FBXO6: variants seen among roughly 807,000 people sequenced by gnomAD.
FBXO6 encodes the protein F-box only protein 6.
In FBXO6, 13 loss-of-function variants were observed where a neutral mutation model predicts 25.0. That is an observed-to-expected ratio of 0.52 (90% confidence interval 0.34 to 0.83). The LOEUF (loss-of-function observed/expected upper bound fraction) is 0.83, where lower values mean the gene tolerates loss of function less well. Among genes scored for constraint, FBXO6 ranks in the 40% least tolerant of loss-of-function variants. The pLI, the probability that FBXO6 is intolerant of heterozygous loss-of-function variation, is 0.02. For synonymous variants in FBXO6, 138 were observed against 155.3 expected (o/e 0.89, Z 0.83); for missense variants, 370 against 380.2 (o/e 0.97, Z 0.22).
intron 2 of FBXO6, 104 bp from the exon 3 acceptor site, chr1:11,671,162 C>T: frequency 6.9e-7 from 1 of 1,458,614 alleles, no homozygotes; most frequent in Non-Finnish European, 9.4e-7. Flanking sequence ...CCAAGAAGGT[C>T]ACTAACGCCA....
rs566510540 is a variant in FBXO6, at chr1:11,671,391, G to A, written c.412G>A (p.Glu138Lys). Reference sequence around the variant, plus strand: ...CAAGAAGTATTTTGTCACATCCTACGAGTAAGGCAAACTGAACCTACCAGG... The same window carrying A: ...CAAGAAGTATTTTGTCACATCCTACAAGTAAGGCAAACTGAACCTACCAGG... ...KVKKYFVTSY[E>K]MCLKSQLVDL... is the part of the protein sequence containing the mutation. Residue 138 changes from glutamate to lysine, a missense_variant and splice_region_variant, in exon 3 of 6, where the codon GAA becomes AAA. By Grantham distance (56) the Glu-to-Lys change is moderately conservative. Transcript: ENST00000376753. The A allele has an allele frequency of 8.7e-6, 14 of 1,613,532 alleles. No individual in the cohort carries two copies. In the East Asian group the frequency reaches 8.9e-5, roughly 10 times the overall value.
chr1:11,671,806 C>G (rs776595552), intron 3 of FBXO6, 122 bp from the exon 4 acceptor site: 8 of 861,512 alleles, frequency 9.3e-6, no homozygotes, highest in Non-Finnish European at 1.5e-5. Flanking sequence ...CCGCAGCGGC[C>G]AAGGGGTACC....
chr1:11,670,337 C>T (rs866415573), intron 2 of FBXO6, among the ~76,000 whole-genome samples: 14 of 152,092 alleles, frequency 9.2e-5, no homozygotes, highest in Admixed American at 2.6e-4. Context: ...CCACCAGGCC[C>T]ACCTAATGGA....
chr1:11,664,892 G>C (rs537244924), intron 1 of FBXO6, among the ~76,000 whole-genome samples: 6 of 152,132 alleles, frequency 3.9e-5, no homozygotes, highest in Admixed American at 6.5e-5. Context: ...GGGCCGGGGG[G>C]GGGAAGGGGC....
intron 2 of FBXO6, 79 bp downstream of exon 2, chr1:11,669,023 A>C (rs1031123167): frequency 5.2e-6 from 8 of 1,527,072 alleles, no homozygotes; most frequent in Admixed American, 3.8e-5. Context: ...CAATTCCCAC[A>C]CTACCTGGAA....
chr1:11,670,168 G>A (rs1313080419), intron 2 of FBXO6, among the ~76,000 whole-genome samples: 13 of 150,436 alleles, frequency 8.6e-5, no homozygotes, highest in Admixed American at 2.0e-4. Flanking sequence ...AGCCAAGATT[G>A]CGCCACTGCA....
In FBXO6 at chr1:11,664,686, G is replaced by C. The variant is rs374204387; in HGVS notation, c.-4+431G>C. ...CCTCCAGGCCCCCACACGCCTGCGA[G>C]ATCCGGCGCTTGCCTTGCCCCAGCC... is the stretch of plus-strand genomic sequence containing the variant. On this transcript the variant is annotated intron_variant, in intron 1 of 5. Transcript: ENST00000376753. 2.2e-4 allele frequency: 34 copies of C among 152,402 alleles called. 1 individual carries two copies. Among genetic ancestry groups the C allele is most frequent in the African/African-American group, 7.2e-4 (30 of 41,590 alleles). The allele number at this position is 152,402 out of a possible 1,614,324, so 9.4% of individuals were successfully genotyped here.
Position 11,672,032 on chromosome 1 carries a change from G to A in FBXO6, c.509+9G>A, listed in dbSNP as rs1640633166. On this transcript the variant is annotated intron_variant, in intron 4 of 5. Transcript: ENST00000376753. ...ATCGTGGTTAAGGACTGGTGAGTAGGGTCCATGGCCTGTGTCCCCACACTC... is the reference window on the plus strand; with the variant it reads ...ATCGTGGTTAAGGACTGGTGAGTAGAGTCCATGGCCTGTGTCCCCACACTC... 4 of 1,610,936 alleles carry A rather than the reference G, an allele frequency of 2.5e-6. No homozygotes were observed. The highest frequency in any genetic ancestry group is 3.4e-6 in the Non-Finnish European group (4 of 1,177,240).
chr1:11,665,880 CAG>C (rs34264947), intron 1 of FBXO6, among the ~76,000 whole-genome samples: 83,028 of 151,428 alleles, frequency 0.55, 23,460 homozygotes, highest in African/African-American at 0.68. Context: ...TTTCTAGAGA[CAG>C]AGTCTCACTA....
Position 11,674,322 on chromosome 1 carries a change from T to C in FBXO6, c.*471T>C, listed in dbSNP as rs1482497295. The C allele has an allele frequency of 6.6e-6, 1 of 152,098 alleles. No individual in the cohort carries two copies. The allele number at this position is 152,098 out of a possible 1,614,324, so 9.4% of individuals were successfully genotyped here. A position where few individuals can be genotyped will look rare whatever the true frequency, so the allele number is the denominator to read the frequency against. ...CTGGCTCATAAAATAATAATAATAA[T>C]AAATAAATAAAAAATAAATGTTTTC... is the stretch of plus-strand genomic sequence containing the variant. On this transcript the variant is annotated 3_prime_UTR_variant, in exon 6 of 6. Transcript: ENST00000376753. The surrounding 1 kb of genome is among the most constrained non-coding windows in gnomAD (Gnocchi z 6.1).
intron 2 of FBXO6, 89 bp from the exon 3 acceptor site, chr1:11,671,177 C>A: frequency 6.5e-7 from 1 of 1,542,332 alleles, no homozygotes; most frequent in Non-Finnish European, 8.8e-7. Context: ...ACGCCAACCA[C>A]CCTCCCTCCC....
intron 4 of FBXO6, among the ~76,000 whole-genome samples, chr1:11,672,364 G>A (rs1199941799): frequency 6.6e-6 from 1 of 151,960 alleles, no homozygotes; most frequent in Non-Finnish European, 1.5e-5. Flanking sequence ...TTGGCTCACT[G>A]CAACCTCCGC....
chr1:11,667,951 G>A (rs1248401148), intron 1 of FBXO6, among the ~76,000 whole-genome samples: 2 of 152,098 alleles, frequency 1.3e-5, no homozygotes, highest in Non-Finnish European at 2.9e-5. Flanking sequence ...AATTAGCTGG[G>A]TATGGTGGCA....
intron 3 of FBXO6, 121 bp downstream of exon 3, chr1:11,671,513 C>T: frequency 7.1e-7 from 1 of 1,410,484 alleles, no homozygotes; most frequent in Non-Finnish European, 9.6e-7. Flanking sequence ...AGGGAGGTGG[C>T]CCCAAAACTT....
intron 1 of FBXO6, among the ~76,000 whole-genome samples, chr1:11,666,001 TTA>T (rs1444426932): frequency 9.9e-6 from 1 of 101,506 alleles, no homozygotes; most frequent in Non-Finnish European, 1.9e-5. Context: ...GGTTTTTTTG[TTA>T]TTTTTTTTTT....
intron 2 of FBXO6, among the ~76,000 whole-genome samples, chr1:11,670,746 C>G (rs57770913): frequency 0.089 from 13,547 of 152,156 alleles, 760 homozygotes; most frequent in African/African-American, 0.15. Context: ...CGCAAGCCAC[C>G]GTGCCCGGCT....
intron 4 of FBXO6, among the ~76,000 whole-genome samples, chr1:11,672,347 C>T (rs1429586202): frequency 6.6e-6 from 1 of 151,914 alleles, no homozygotes; most frequent in Admixed American, 6.5e-5. Flanking sequence ...AGTGCAGTGG[C>T]GTGATCTTGG....
At position 11,668,736 on chromosome 1, in the gene FBXO6, G is replaced by C; in HGVS notation, c.78G>C (p.Thr26=). The C allele has an allele frequency of 6.2e-7, 1 of 1,613,990 alleles. No individual in the cohort carries two copies. The highest frequency in any genetic ancestry group is 8.5e-7 in the Non-Finnish European group (1 of 1,180,030). The change falls in exon 2 of 6, where the codon ACG becomes ACC. Residue 26 remains threonine (T), a synonymous_variant. Transcript: ENST00000376753. ...AGAACATCCTGCTGGAGCTGTTCAC[G>C]CACGTGCCCGCCCGCCAGCTGCTGC... The part of the protein sequence containing the change: ...LPENILLELF[T]HVPARQLLLN...
Position 11,673,238 on chromosome 1 carries a change from T to C in FBXO6, c.510-39T>C. On this transcript the variant is annotated intron_variant, in intron 4 of 5. Transcript: ENST00000376753. This position sits in a 1 kb window ranked among gnomAD's most constrained non-coding sequence, Gnocchi z 4.3. ...CTGCCCCCACCCCTGGGGCCAGCCC[T>C]CGGTGGCTTGGACACAGGGCTCTCA... The C allele has an allele frequency of 6.3e-7, 1 of 1,586,748 alleles. No homozygotes were observed. Among genetic ancestry groups the C allele is most frequent in the Non-Finnish European group, 8.6e-7 (1 of 1,165,610 alleles).
Sources: allele counts gnomAD v4.1 joint callset (sites outside exome capture counted in the v4.1 genomes callset), GRCh38; gene constraint gnomAD v4.1.1; non-coding constraint Gnocchi (gnomAD v3.1); transcripts MANE v1.5; gene names NCBI Gene and HGNC (gene_info 2026-07-23, HGNC 2026-07-21).